The following SCOC variants were observed in gnomAD, a reference collection of about 807,000 sequenced individuals.
SCOC encodes the protein short coiled coil protein.
Under a neutral mutation model 9.9 loss-of-function variants are expected in SCOC, and 7 were observed. The ratio of observed to expected loss-of-function variants is 0.71; its 90% confidence interval spans 0.40 to 1.33. SCOC has a LOEUF of 1.33. Ranked by LOEUF, SCOC falls within the 40% of genes most tolerant of loss-of-function variation. SCOC has a pLI of 0.01. For missense variants in SCOC, 66 were observed against 89.7 expected (o/e 0.74, Z 1.07); for synonymous variants, 19 against 28.2 (o/e 0.67, Z 1.03).
At chr4:140,293,503 G>T in intron 1 of SCOC, 1 of 410,962 alleles carries the variant, frequency 2.4e-6, no homozygotes, top group Non-Finnish European at 4.9e-6. Context: ...TAAGAAGAGA[G>T]GGAAAGAAGG....
At chr4:140,371,545 A>G (rs140438133), upstream of SCOC, among the ~76,000 whole-genome samples, 2 of 152,358 alleles carry the variant, frequency 1.3e-5, no homozygotes, top group East Asian at 3.9e-4. Flanking sequence ...TTACTATACT[A>G]ATTTACACTC....
chr4:140,357,380 T>C (rs1727277628), intron 2 of SCOC, among the ~76,000 whole-genome samples: 1 of 152,192 alleles, frequency 6.6e-6, no homozygotes, highest in African/African-American at 2.4e-5. Flanking sequence ...TCCAGTAAAT[T>C]TGTCTTCAAA....
chr4:140,317,088 G>T (rs1014531662), intron 1 of SCOC, among the ~76,000 whole-genome samples: 2 of 152,102 alleles, frequency 1.3e-5, no homozygotes, highest in Non-Finnish European at 2.9e-5. Context: ...GATCTTAAGG[G>T]CTTTTCAGGA....
At chr4:140,267,838 G>A (rs1011010348) in intron 1 of SCOC, among the ~76,000 whole-genome samples, 1 of 152,104 alleles carries the variant, frequency 6.6e-6, no homozygotes, top group Non-Finnish European at 1.5e-5. Flanking sequence ...ATTGATCCCT[G>A]CCTCAAAGTC....
rs181206717 is a variant in SCOC at position 140,291,519 on chromosome 4, G to A, written c.-19+34109G>A. On this transcript the variant is annotated intron_variant, in intron 1 of 4. Transcript: ENST00000394205. ...TCTGCAGGATGTCCACAAGGTCCAG[G>A]TCTCCTGGGACTGTATTATGGCAGA... The A allele has an allele frequency of 7.9e-5, 36 of 457,316 alleles. No homozygotes were observed. The East Asian group carries it at 1.3e-3, about 17-fold the overall frequency. 28.3% of individuals were successfully genotyped at this position (457,316 alleles called of 1,614,324 possible). A position where few individuals can be genotyped will look rare whatever the true frequency, so the allele number is the denominator to read the frequency against.
chr4:140,333,030 G>C (rs1732863310), intron 1 of SCOC, among the ~76,000 whole-genome samples: 2 of 144,032 alleles, frequency 1.4e-5, no homozygotes, highest in Non-Finnish European at 3.0e-5. Flanking sequence ...GTCAGTCCCT[G>C]ATATATTTCC....
At chr4:140,343,469 G>C in exon 1 of SCOC, 1 of 570,742 alleles carries the variant, frequency 1.8e-6, no homozygotes, top group Non-Finnish European at 3.2e-6. Context: ...GCAACACTCA[G>C]GTGAGAACTT....
intron 1 of SCOC, among the ~76,000 whole-genome samples, chr4:140,326,574 G>A (rs1732652624): frequency 6.6e-6 from 1 of 152,104 alleles, no homozygotes; most frequent in Admixed American, 6.6e-5. Flanking sequence ...GAAAAGCAAG[G>A]CCTGTGTTTG....
intron 1 of SCOC, among the ~76,000 whole-genome samples, chr4:140,295,578 G>GC (rs1277054463): frequency 6.6e-6 from 1 of 152,184 alleles, no homozygotes; most frequent in Non-Finnish European, 1.5e-5. Flanking sequence ...AGACGGCGTG[G>GC]CCCCGCCTGC....
At chr4:140,287,949 T>A (rs966570793) in intron 1 of SCOC, among the ~76,000 whole-genome samples, 1 of 151,934 alleles carries the variant, frequency 6.6e-6, no homozygotes, top group Non-Finnish European at 1.5e-5. Flanking sequence ...TGTGGGCACA[T>A]GCATACCACA....
intron 1 of SCOC, among the ~76,000 whole-genome samples, chr4:140,296,087 T>C (rs1472981975): frequency 6.6e-6 from 1 of 151,944 alleles, no homozygotes; most frequent in Admixed American, 6.6e-5. Flanking sequence ...CCCTGGATGA[T>C]TGTTATGAGA....
chr4:140,321,189 A>C (rs896190747), intron 1 of SCOC, among the ~76,000 whole-genome samples: 4 of 152,192 alleles, frequency 2.6e-5, no homozygotes, highest in African/African-American at 9.6e-5. Context: ...TTCCCACATT[A>C]AAAGTCTAGC....
upstream of SCOC, among the ~76,000 whole-genome samples, chr4:140,340,808 T>TTTTTTTTTTTTC (rs140552446): frequency 2.7e-5 from 3 of 111,814 alleles, no homozygotes; most frequent in Non-Finnish European, 3.6e-5. Flanking sequence ...TTTTTTTTTT[T>TTTTTTTTTTTTC]AGAGGGATAG....
At chr4:140,302,593 A>T (rs1303362326) in intron 1 of SCOC, among the ~76,000 whole-genome samples, 2 of 152,242 alleles carry the variant, frequency 1.3e-5, no homozygotes, top group Non-Finnish European at 2.9e-5. Context: ...GAAACAAGCC[A>T]GATACTATTT....
chr4:140,301,942 C>A (rs1199841659), intron 1 of SCOC, among the ~76,000 whole-genome samples: 1 of 152,114 alleles, frequency 6.6e-6, no homozygotes, highest in African/African-American at 2.4e-5. Context: ...AGTGATTCTC[C>A]CATCTTAGCC....
intron 1 of SCOC, chr4:140,374,287 G>C (rs540244278): frequency 7.3e-6 from 3 of 408,238 alleles, no homozygotes; most frequent in East Asian, 7.1e-5. Context: ...GAAAGGTTTG[G>C]AAAGGAGAAA....
intron 1 of SCOC, among the ~76,000 whole-genome samples, chr4:140,288,435 C>T (rs1731364117): frequency 6.9e-6 from 1 of 145,182 alleles, no homozygotes; most frequent in South Asian, 2.1e-4. Context: ...AGGTACACAT[C>T]ACACATGTAC....
In SCOC at chr4:140,366,867, GGC is replaced by G. The variant is rs1309965321; in HGVS notation, c.71-12252_71-12251del. 21 of 748,398 alleles carry G rather than the reference GGC, an allele frequency of 2.8e-5. No homozygotes were observed. The African/African-American group carries it at 3.6e-4, about 13-fold the overall frequency. 46.4% of individuals were successfully genotyped at this position (748,398 alleles called of 1,614,324 possible). A position where few individuals can be genotyped will look rare whatever the true frequency, so the allele number is the denominator to read the frequency against. Reference sequence around the variant, plus strand: ...CGAAGCGCCTGAACACCATGTTGGTGGCGTTTGGCAAGAAGGAAGAAGGCCAG... The same window carrying G: ...CGAAGCGCCTGAACACCATGTTGGTGGTTTGGCAAGAAGGAAGAAGGCCAG... On this transcript the variant is annotated intron_variant, in intron 2 of 4. Transcript: ENST00000338517.
At chr4:140,348,714 C>G (rs1482346759) in intron 2 of SCOC, among the ~76,000 whole-genome samples, 1 of 152,094 alleles carries the variant, frequency 6.6e-6, no homozygotes, top group Non-Finnish European at 1.5e-5. Flanking sequence ...GATTTCAAGT[C>G]CTTTGGATAT....
Sources: allele counts gnomAD v4.1 joint callset (sites outside exome capture counted in the v4.1 genomes callset), GRCh38; gene constraint gnomAD v4.1.1; transcripts MANE v1.5; gene names NCBI Gene and HGNC (gene_info 2026-07-23, HGNC 2026-07-21).